RARG: variants seen among roughly 807,000 people sequenced by gnomAD.
RARG encodes RAR-gamma.
RARG carries 17 observed loss-of-function variants against 43.7 expected under a neutral mutation model. The observed-to-expected ratio is 0.39, with a 90% CI of 0.27 to 0.58. RARG has a LOEUF of 0.58. RARG is among the 20% of genes least tolerant of loss of function. RARG has a pLI of 0.57. For missense variants in RARG, 346 were observed against 598.7 expected (o/e 0.58, Z 4.40); for synonymous variants, 238 against 236.4 (o/e 1.01, Z -0.06).
chr12:53,216,862 G>T (rs867768032), intron 3 of RARG, among the ~76,000 whole-genome samples: 2 of 121,382 alleles, frequency 1.6e-5, no homozygotes, highest in Non-Finnish European at 3.4e-5. Flanking sequence ...GCGCGCGCGC[G>T]TGTGGTTGGT....
chr12:53,222,712 C>T (rs1289514234), intron 3 of RARG, among the ~76,000 whole-genome samples: 1 of 152,108 alleles, frequency 6.6e-6, no homozygotes, highest in Non-Finnish European at 1.5e-5. Context: ...GTGTCAGGCC[C>T]GCCCTCCCCA....
chr12:53,215,141 G>T lies in RARG; in HGVS notation c.475+152C>A. ...TGGTGGGGCCTCCTGGTTGAATGGA[G>T]CTAATCAAATAAGACTGGCCTGGGA... is the stretch of plus-strand genomic sequence containing the variant. On this transcript the variant is annotated intron_variant, in intron 5 of 9. Transcript: ENST00000425354. The surrounding 1 kb of genome is among the most constrained non-coding windows in gnomAD (Gnocchi z 6.4). 1 of 927,562 alleles carries T rather than the reference G, an allele frequency of 1.1e-6. No homozygotes were observed. Among genetic ancestry groups the T allele is most frequent in the Non-Finnish European group, 1.6e-6 (1 of 629,506 alleles). 57.5% of individuals were successfully genotyped at this position (927,562 alleles called of 1,614,324 possible). A position where few individuals can be genotyped will look rare whatever the true frequency, so the allele number is the denominator to read the frequency against.
In RARG at chr12:53,212,727, AATATATAT is replaced by A. The variant is rs775006726; in HGVS notation, c.1177+350_1177+357del. Among the ~76,000 whole-genome samples, 32 of 144,786 alleles carry A rather than the reference AATATATAT, an allele frequency of 2.2e-4. 1 individual carries two copies. In the East Asian group the frequency reaches 3.9e-3, roughly 18 times the overall value. The allele number at this position is 144,786 out of a possible 152,430, so 95.0% of individuals were successfully genotyped here. A position where few individuals can be genotyped will look rare whatever the true frequency, so the allele number is the denominator to read the frequency against. On this transcript the variant is annotated intron_variant, in intron 9 of 9. Coordinates refer to ENST00000425354, the MANE Select transcript of RARG (RefSeq NM_000966.6). The stretch of plus-strand genomic sequence containing the variant: ...CAATTTGCCCAAGACTTTGTCTCTA[AATATATAT>A]ATACACACACACACACACACACACA...
chr12:53,222,638 T>TCA (rs1943005511), intron 3 of RARG, among the ~76,000 whole-genome samples: 1 of 152,138 alleles, frequency 6.6e-6, no homozygotes, highest in South Asian at 2.1e-4. Context: ...ACCCCACTCA[T>TCA]CACCCCATCT....
At chr12:53,222,168 C>T (rs1942985597) in intron 3 of RARG, among the ~76,000 whole-genome samples, 1 of 151,416 alleles carries the variant, frequency 6.6e-6, no homozygotes, top group East Asian at 1.9e-4. Flanking sequence ...TTCTCCTCCC[C>T]CAACCCCAAA....
At chr12:53,230,091 G>C in intron 2 of RARG, 2 of 583,926 alleles carry the variant, frequency 3.4e-6, no homozygotes, top group Non-Finnish European at 4.3e-6. Flanking sequence ...CCCAGGGTAG[G>C]AGAATGGACT....
At chr12:53,212,183 T>C (rs1186366746) in intron 9 of RARG, among the ~76,000 whole-genome samples, 1 of 152,212 alleles carries the variant, frequency 6.6e-6, no homozygotes, top group Non-Finnish European at 1.5e-5. Flanking sequence ...GTCCAGAGCT[T>C]GTCACTTGTT....
At chr12:53,224,010 CTG>C (rs1943048881) in intron 3 of RARG, among the ~76,000 whole-genome samples, 1 of 152,162 alleles carries the variant, frequency 6.6e-6, no homozygotes, top group Non-Finnish European at 1.5e-5. Context: ...TCATCACACT[CTG>C]TTCCCTATAG....
chr12:53,222,808 T>C (rs535862920), intron 3 of RARG, among the ~76,000 whole-genome samples: 2 of 152,142 alleles, frequency 1.3e-5, no homozygotes, highest in Admixed American at 6.5e-5. Context: ...CCCCCTCTTT[T>C]CCCCAAAGTT....
chr12:53,220,297 G>T, intron 3 of RARG: 1 of 1,425,606 alleles, frequency 7.0e-7, no homozygotes, highest in Non-Finnish European at 9.2e-7. Flanking sequence ...TGGGCGGGGC[G>T]CGAAGCTGGG....
chr12:53,214,025 C>T (rs770013416), intron 7 of RARG, 34 bp downstream of exon 7: 10 of 1,592,950 alleles, frequency 6.3e-6, no homozygotes, highest in African/African-American at 2.7e-5. Flanking sequence ...ATATGTGGGT[C>T]GGGCTGTGGC....
rs755382453 is a variant in RARG at position 53,213,569 on chromosome 12, A to G, written c.945T>C (p.Ala315=). Residue 315 remains alanine (A), a synonymous_variant, in exon 8 of 10, where the codon GCT becomes GCC. Transcript: ENST00000425354. The surrounding 1 kb of genome is among the most constrained non-coding windows in gnomAD (Gnocchi z 4.7). ...CCATCTCCAGGGGCAGGAGCTGCCC[A>G]GCAAAGGCAAAGACAAGGTCTGTGA... The part of the protein sequence containing the change: ...GPLTDLVFAF[A]GQLLPLEMDD... The G allele has an allele frequency of 6.2e-7, 1 of 1,614,160 alleles. No homozygotes were observed. The highest frequency in any genetic ancestry group is 8.5e-7 in the Non-Finnish European group (1 of 1,180,022).
intron 5 of RARG, chr12:53,214,859 C>A: frequency 2.1e-6 from 1 of 465,140 alleles, no homozygotes; most frequent in Non-Finnish European, 3.8e-6. Flanking sequence ...TCCTGTCACC[C>A]TGCAGGAGCT....
rs1382493639 is a variant in RARG at position 53,215,422 on chromosome 12, G to A, written c.346C>T (p.Arg116Ter). Residue 116 changes from arginine (R) to a stop codon, truncating the protein, a stop_gained, in exon 5 of 10, where the codon CGA becomes TGA. Coordinates refer to ENST00000425354, the MANE Select transcript of RARG (RefSeq NM_000966.6). LOFTEE classifies it high-confidence loss of function. The surrounding 1 kb of genome is among the most constrained non-coding windows in gnomAD (Gnocchi z 6.4). ...SCEGCKGFFR[R>*]SIQKNMVYTC... ...TACACCATGTTCTTCTGGATGCTTC[G>A]GCGAAAGAAGCCCTGGAGTTGAGGG... The A allele has an allele frequency of 6.8e-6, 11 of 1,613,912 alleles. No individual in the cohort carries two copies. Among genetic ancestry groups the A allele is most frequent in the Non-Finnish European group, 9.3e-6 (11 of 1,180,002 alleles).
At chr12:53,220,556 T>C (rs967711546) in intron 3 of RARG, 9 of 266,384 alleles carry the variant, frequency 3.4e-5, no homozygotes, top group Non-Finnish European at 5.7e-5. Context: ...CACCAAGAAT[T>C]TGCAAATATG....
intron 9 of RARG, among the ~76,000 whole-genome samples, chr12:53,212,735 TATACACACACACAC>T (rs1181285012): frequency 3.7e-5 from 5 of 136,942 alleles, no homozygotes; most frequent in African/African-American, 1.6e-4. Flanking sequence ...TAAATATATA[TATACACACACACAC>T]ACACACACAC....
At chr12:53,223,523 GCC>G (rs139275762) in intron 3 of RARG, among the ~76,000 whole-genome samples, 3 of 103,656 alleles carry the variant, frequency 2.9e-5, no homozygotes, top group African/African-American at 7.0e-5. Context: ...GGCTCCCCCC[GCC>G]CCCCCCCCGC....
chr12:53,220,004 A>G, intron 3 of RARG: 1 of 1,524,616 alleles, frequency 6.6e-7, no homozygotes, highest in South Asian at 1.2e-5. Context: ...GCGAAACAGG[A>G]GCCGCCGGTG....
At chr12:53,230,044 T>C in intron 2 of RARG, 1 of 906,966 alleles carries the variant, frequency 1.1e-6, no homozygotes, top group Non-Finnish European at 1.3e-6. Flanking sequence ...GAGCCTTGGT[T>C]CTGTCGTGGC....
Sources: allele counts gnomAD v4.1 joint callset (sites outside exome capture counted in the v4.1 genomes callset), GRCh38; gene constraint gnomAD v4.1.1; non-coding constraint Gnocchi (gnomAD v3.1); transcripts MANE v1.5; gene names NCBI Gene and HGNC (gene_info 2026-07-23, HGNC 2026-07-21).